The following INPP5A variants were observed in gnomAD, a reference collection of about 807,000 sequenced individuals.
INPP5A encodes the protein 43 kDa inositol polyphosphate 5-phophatase.
Under a neutral mutation model 65.2 loss-of-function variants are expected in INPP5A, and 14 were observed. The observed-to-expected ratio is 0.21, with a 90% confidence interval of 0.14 to 0.34. INPP5A has a LOEUF of 0.34. INPP5A is among the 10% of genes least tolerant of loss of function. INPP5A has a pLI of 1.00. For synonymous variants in INPP5A, 207 were observed against 208.3 expected (o/e 0.99, Z 0.05); for missense variants, 431 against 545.6 (o/e 0.79, Z 2.09).
chr10:132,757,151 A>T (rs1045344238), intron 11 of INPP5A, among the ~76,000 whole-genome samples: 1 of 152,238 alleles, frequency 6.6e-6, no homozygotes. Flanking sequence ...ACATTTCAGT[A>T]CATTATGTTA....
chr10:132,686,253 G>T (rs1337508659), intron 4 of INPP5A, among the ~76,000 whole-genome samples: 1 of 152,274 alleles, frequency 6.6e-6, no homozygotes, highest in Non-Finnish European at 1.5e-5. Flanking sequence ...GCCTCCGGGG[G>T]CTGGAGGACT....
Position 132,741,454 on chromosome 10 carries a change from C to T in INPP5A, c.733-8063C>T, listed in dbSNP as rs1404662438. On this transcript the variant is annotated intron_variant, in intron 9 of 15. Coordinates refer to ENST00000368594, the MANE Select transcript of INPP5A (RefSeq NM_005539.5). The surrounding 1 kb of genome is among the most constrained non-coding windows in gnomAD (Gnocchi z 4.4). ...TGTGCCAGGAAAGTTAGAGCTTCCT[C>T]ATCCTTGGAACCCCAGCCTGCATTG... Among the ~76,000 whole-genome samples, 1 of 152,162 alleles carries T rather than the reference C, an allele frequency of 6.6e-6. No individual in the cohort carries two copies. Among genetic ancestry groups the T allele is most frequent in the Non-Finnish European group, 1.5e-5 (1 of 68,030 alleles).
At chr10:132,573,909 A>G (rs144418469) in intron 1 of INPP5A, among the ~76,000 whole-genome samples, 410 of 36,650 alleles carry the variant, frequency 0.011, 5 homozygotes, top group Non-Finnish European at 0.013. Flanking sequence ...GTTGATGTTG[A>G]GGTGTGTGTG....
intron 1 of INPP5A, among the ~76,000 whole-genome samples, chr10:132,599,357 C>T (rs938086698): frequency 1.3e-5 from 2 of 152,208 alleles, no homozygotes; most frequent in African/African-American, 4.8e-5. Context: ...CGAAATCCAG[C>T]GGGGCAGTCA....
chr10:132,744,375 C>G (rs759177928), intron 9 of INPP5A, among the ~76,000 whole-genome samples: 1 of 152,136 alleles, frequency 6.6e-6, no homozygotes, highest in Non-Finnish European at 1.5e-5. Context: ...CCGCTGTCAC[C>G]GAGGCAATGG....
intron 11 of INPP5A, among the ~76,000 whole-genome samples, chr10:132,755,314 TGAGTGGGC>T (rs747906586): frequency 8.2e-5 from 12 of 146,594 alleles, no homozygotes; most frequent in Non-Finnish European, 1.6e-4. Flanking sequence ...CATATGCATT[TGAGTGGGC>T]GAGTGTGTGA....
chr10:132,543,103 C>T (rs1212935886), intron 1 of INPP5A, among the ~76,000 whole-genome samples: 5 of 152,152 alleles, frequency 3.3e-5, no homozygotes, highest in African/African-American at 9.7e-5. Context: ...GCCCTCACAC[C>T]CAGCCCTTTC....
At chr10:132,720,419 C>A (rs1295295266) in intron 8 of INPP5A, among the ~76,000 whole-genome samples, 2 of 140,980 alleles carry the variant, frequency 1.4e-5, no homozygotes, top group South Asian at 2.2e-4. Flanking sequence ...TTCTGTGGTA[C>A]CTGGGTTCTG....
rs143656264 is a variant in INPP5A, at chr10:132,572,590, T to G, written c.75+34419T>G. On this transcript the variant is annotated intron_variant, in intron 1 of 15. Coordinates refer to ENST00000368594, the MANE Select transcript of INPP5A (RefSeq NM_005539.5). ...GGGCTCTTGGTGGGGATGTGCCGTT[T>G]GCTCTTTTTCATGTGTCTAGCCCTT... Among the ~76,000 whole-genome samples, 803 of 152,284 alleles carry G rather than the reference T, an allele frequency of 5.3e-3. 5 individuals carry two copies. Among genetic ancestry groups the G allele is most frequent in the African/African-American group, 0.018 (762 of 41,554 alleles).
At chr10:132,756,540 T>C (rs1846622048) in intron 11 of INPP5A, among the ~76,000 whole-genome samples, 1 of 152,234 alleles carries the variant, frequency 6.6e-6, no homozygotes, top group Admixed American at 6.5e-5. Flanking sequence ...ATGTAACTGT[T>C]GTGACATCAC....
Position 132,578,020 on chromosome 10 carries a change from C to T in INPP5A, c.76-29895C>T, listed in dbSNP as rs143793037. Among the ~76,000 whole-genome samples, 566 of 152,312 alleles carry T rather than the reference C, an allele frequency of 3.7e-3. 4 individuals carry two copies. The highest frequency in any genetic ancestry group is 0.013 in the African/African-American group (543 of 41,560). On this transcript the variant is annotated intron_variant, in intron 1 of 15. Coordinates refer to ENST00000368594, the MANE Select transcript of INPP5A (RefSeq NM_005539.5). The stretch of plus-strand genomic sequence containing the variant: ...TGTAGGCATGTTTGCTAAATGTCAG[C>T]AATTTGGCCTCACTCAAAATTTGTT...
chr10:132,730,196 C>T (rs1222925597), intron 9 of INPP5A, among the ~76,000 whole-genome samples: 1 of 152,244 alleles, frequency 6.6e-6, no homozygotes, highest in Non-Finnish European at 1.5e-5. Context: ...CCTGCGGGGC[C>T]CTCCCCACCA....
Position 132,697,792 on chromosome 10 carries a change from C to T in INPP5A, c.371-24C>T, listed in dbSNP as rs542842046. ...ATGGGGCACAGTGATGGGATAGTCA[C>T]CTCGTCCTTCTGGTCTCTTCCAGCT... On this transcript the variant is annotated intron_variant, in intron 5 of 15. Coordinates refer to ENST00000368594, the MANE Select transcript of INPP5A (RefSeq NM_005539.5). This position sits in a 1 kb window ranked among gnomAD's most constrained non-coding sequence, Gnocchi z 5.6. 3.7e-5 allele frequency: 56 copies of T among 1,512,226 alleles called. No individual in the cohort carries two copies. In the East Asian group the frequency reaches 1.2e-3, roughly 33 times the overall value. 93.7% of individuals were successfully genotyped at this position (1,512,226 alleles called of 1,614,324 possible). A position where few individuals can be genotyped will look rare whatever the true frequency, so the allele number is the denominator to read the frequency against.
intron 4 of INPP5A, among the ~76,000 whole-genome samples, chr10:132,669,220 T>C (rs2133431117): frequency 6.6e-6 from 1 of 152,292 alleles, no homozygotes; most frequent in South Asian, 2.1e-4. Context: ...GCCACCGCAC[T>C]CCAGCCTTGG....
At chr10:132,559,792 C>T (rs928737428) in intron 1 of INPP5A, among the ~76,000 whole-genome samples, 1 of 152,192 alleles carries the variant, frequency 6.6e-6, no homozygotes, top group Non-Finnish European at 1.5e-5. Context: ...CCAGGGACTC[C>T]ACTTACTCAG....
chr10:132,719,625 C>T (rs1479556692), intron 8 of INPP5A, among the ~76,000 whole-genome samples: 2 of 141,922 alleles, frequency 1.4e-5, no homozygotes, highest in African/African-American at 5.6e-5. Context: ...GCGCCTTAGA[C>T]AGCTGTCTTG....
At chr10:132,641,556 C>G (rs546181358) in intron 2 of INPP5A, among the ~76,000 whole-genome samples, 1 of 152,194 alleles carries the variant, frequency 6.6e-6, no homozygotes, top group Non-Finnish European at 1.5e-5. Context: ...TTTTCTGAGC[C>G]CAGTCTTTCA....
intron 9 of INPP5A, among the ~76,000 whole-genome samples, chr10:132,735,347 G>A (rs1392021720): frequency 6.6e-6 from 1 of 152,264 alleles, no homozygotes; most frequent in Admixed American, 6.5e-5. Flanking sequence ...TTTGTGGACA[G>A]TGACACAGTC....
In INPP5A at chr10:132,764,906, C is replaced by T. The variant is rs1170626270; in HGVS notation, c.904-867C>T. 3.5e-5 allele frequency among the ~76,000 whole-genome samples: 5 copies of T among 141,382 alleles called. No homozygotes were observed. The East Asian group carries it at 6.4e-4, about 18-fold the overall frequency. The allele number at this position is 141,382 out of a possible 152,430, so 92.8% of individuals were successfully genotyped here. A position where few individuals can be genotyped will look rare whatever the true frequency, so the allele number is the denominator to read the frequency against. On this transcript the variant is annotated intron_variant, in intron 11 of 15. Transcript: ENST00000368594. ...GCGTGGTGACACTCAGGAACACGGT[C>T]GGGCCAGTCCTGCAGGGGTGGGAGG...
Sources: gnomAD v4.1 joint callset for allele counts (sites outside exome capture counted in the v4.1 genomes callset) on GRCh38, gnomAD v4.1.1 for gene constraint, Gnocchi (gnomAD v3.1) non-coding constraint, MANE v1.5 for transcripts, NCBI Gene and HGNC (gene_info 2026-07-23, HGNC 2026-07-21) for gene names.